Variants in FRMPD2 observed in about 807,000 individuals in gnomAD.
FRMPD2 encodes the protein FERM and PDZ domain-containing protein 2.
Under a neutral mutation model 140.1 loss-of-function variants are expected in FRMPD2, and 96 were observed. The observed-to-expected ratio is 0.69, with a 90% CI of 0.58 to 0.81. FRMPD2 has a LOEUF of 0.81. FRMPD2 is among the 40% of genes least tolerant of loss of function. FRMPD2 has a pLI of 0.00. For missense variants in FRMPD2, 1,240 were observed against 1,447.4 expected, an observed-to-expected ratio of 0.86 and a Z score of 2.32; for synonymous variants, 449 against 547.6, an observed-to-expected ratio of 0.82 and a Z score of 2.52.
At chr10:48,267,313 A>T (rs780146232) in intron 1 of FRMPD2, among the ~76,000 whole-genome samples, 1 of 152,246 alleles carries the variant, frequency 6.6e-6, no homozygotes, top group Non-Finnish European at 1.5e-5. Context: ...GAAAGGCTCA[A>T]CAAAGAAATA....
Position 48,184,659 on chromosome 10 carries a change from G to C in FRMPD2, c.2491C>G (p.His831Asp), listed in dbSNP as rs769311496. ...AATGTGAAGCCCTCCAGACTGATGT[G>C]ATTCAGGGCTAGTATCTGCCCTCCT... ...KPGGQILALN[H>D]ISLEGFTFNM... The change falls in exon 20 of 29, where the codon CAC (histidine) becomes GAC (aspartate). Residue 831 changes from histidine to aspartate, a missense_variant. By Grantham distance (81) the His-to-Asp change is moderately conservative. This residue lies in a region of FRMPD2 where 1,161 missense variants were observed against 1,055.9 expected (regional missense o/e 1.10). Transcript: ENST00000374201. 6.2e-7 allele frequency: 1 copy of C among 1,612,772 alleles called. No individual in the cohort carries two copies. Among genetic ancestry groups the C allele is most frequent in the South Asian group, 1.1e-5 (1 of 91,040 alleles).
At chr10:48,221,220 TA>T (rs1280373708) in intron 12 of FRMPD2, among the ~76,000 whole-genome samples, 7 of 152,074 alleles carry the variant, frequency 4.6e-5, no homozygotes, top group Non-Finnish European at 7.4e-5. Context: ...GTGGTATATG[TA>T]TATATATACC....
intron 3 of FRMPD2, 22 bp downstream of exon 3, chr10:48,248,999 G>A (rs1564439495): frequency 5.1e-6 from 8 of 1,582,870 alleles, no homozygotes; most frequent in Middle Eastern, 2.1e-4. Context: ...CTCAGAAGTT[G>A]CAGAGTAGCT....
In FRMPD2 at chr10:48,173,020, C is replaced by G; in HGVS notation, c.3149G>C (p.Gly1050Ala). ...QQCPSANDSM[G>A]DERTAVSLVT... is the part of the protein sequence containing the mutation. Reference sequence around the variant, plus strand: ...CAAGGAAACAGCCGTGCGTTCATCTCCCATGCTGTCATTAGCAGAAGGACA... The same window carrying G: ...CAAGGAAACAGCCGTGCGTTCATCTGCCATGCTGTCATTAGCAGAAGGACA... Residue 1050 changes from glycine (G) to alanine (A), a missense_variant, in exon 25 of 29, where the codon GGA (glycine) becomes GCA (alanine). By Grantham distance (60) the Gly-to-Ala change is moderately conservative. This residue lies in a region of FRMPD2 where 22 missense variants were observed against 35.3 expected (regional missense o/e 0.62). Coordinates refer to ENST00000374201, the MANE Select transcript of FRMPD2 (RefSeq NM_001018071.4). The G allele has an allele frequency of 9.9e-7, 1 of 1,008,444 alleles. No homozygotes were observed. Among genetic ancestry groups the G allele is most frequent in the Non-Finnish European group, 1.6e-6 (1 of 637,698 alleles). 62.5% of individuals were successfully genotyped at this position (1,008,444 alleles called of 1,614,324 possible).
At chr10:48,209,209 A>C (rs145826312) in intron 13 of FRMPD2, among the ~76,000 whole-genome samples, 257 of 152,342 alleles carry the variant, frequency 1.7e-3, no homozygotes, top group African/African-American at 6.1e-3. Context: ...AAGTGGAAGA[A>C]ACTACAGGAT....
In FRMPD2 at chr10:48,224,446, A is replaced by G. The variant is rs143300600; in HGVS notation, c.1169-1176T>C. 8.2e-4 allele frequency among the ~76,000 whole-genome samples: 125 copies of G among 152,286 alleles called. 1 individual carries two copies. The South Asian group carries it at 0.01, about 12-fold the overall frequency. ...CAACCTCTTCTTCCAATGCCTATGC[A>G]TGCTGGGGTGGGGAGGGGGTGTCCA... On this transcript the variant is annotated intron_variant, in intron 10 of 28. Coordinates refer to ENST00000374201, the MANE Select transcript of FRMPD2 (RefSeq NM_001018071.4).
intron 2 of FRMPD2, among the ~76,000 whole-genome samples, chr10:48,251,110 C>T (rs564399449): frequency 3.9e-5 from 6 of 152,238 alleles, no homozygotes; most frequent in African/African-American, 1.4e-4. Context: ...GCCAGGTCTG[C>T]CTTCTGATGG....
chr10:48,236,653 C>A (rs1174905517), intron 8 of FRMPD2, 100 bp from the exon 9 acceptor site: 4 of 1,089,772 alleles, frequency 3.7e-6, no homozygotes, highest in East Asian at 2.4e-5. Context: ...CACCAGCATA[C>A]ATTCCCCAGA....
At chr10:48,223,408 A>G in intron 10 of FRMPD2, 138 bp from the exon 11 acceptor site, 2 of 684,090 alleles carry the variant, frequency 2.9e-6, no homozygotes, top group Non-Finnish European at 4.5e-6. Context: ...GTCTTTGCGT[A>G]CCTGGTAGCA....
At chr10:48,178,733 C>G (rs1588808125) in intron 21 of FRMPD2, 1 of 153,124 alleles carries the variant, frequency 6.5e-6, no homozygotes, top group Non-Finnish European at 1.5e-5. Flanking sequence ...GCCCCCAGCC[C>G]CAGGAAACCA....
chr10:48,219,209 G>A (rs1839522742), intron 12 of FRMPD2, among the ~76,000 whole-genome samples: 1 of 151,466 alleles, frequency 6.6e-6, no homozygotes, highest in Non-Finnish European at 1.5e-5. Context: ...AGGGTGGAGT[G>A]TGTGTGGTTA....
intron 13 of FRMPD2, 110 bp downstream of exon 13, chr10:48,211,844 C>T: frequency 1.0e-6 from 1 of 1,003,670 alleles, no homozygotes; most frequent in Non-Finnish European, 1.4e-6. Context: ...CTTGCTCATG[C>T]CTCCTTGTGG....
intron 6 of FRMPD2, 37 bp downstream of exon 6, chr10:48,240,323 T>A (rs769502352): frequency 6.3e-7 from 1 of 1,597,310 alleles, no homozygotes; most frequent in Non-Finnish European, 8.5e-7. Flanking sequence ...ATGGGTACCA[T>A]CAGCCCACGC....
At chr10:48,238,850 A>G (rs1257419342) in intron 7 of FRMPD2, among the ~76,000 whole-genome samples, 1 of 152,236 alleles carries the variant, frequency 6.6e-6, no homozygotes, top group Non-Finnish European at 1.5e-5. Flanking sequence ...GCCTCCTGCC[A>G]TCAAGAGATG....
At chr10:48,187,104 G>T in intron 17 of FRMPD2, 88 bp downstream of exon 17, 1 of 786,366 alleles carries the variant, frequency 1.3e-6, no homozygotes, top group Non-Finnish European at 2.1e-6. Context: ...TGTGTGGGAA[G>T]CAAAAATAAG....
At chr10:48,217,788 A>G (rs1193605207) in intron 12 of FRMPD2, among the ~76,000 whole-genome samples, 1 of 152,212 alleles carries the variant, frequency 6.6e-6, no homozygotes, top group Non-Finnish European at 1.5e-5. Flanking sequence ...GAACCAAGGC[A>G]GGCAAGTTAT....
chr10:48,178,071 ATCT>A lies in FRMPD2; in HGVS notation c.2868_2870del (p.Glu956del), dbSNP rs782431211. 2.5e-6 allele frequency: 4 copies of A among 1,602,640 alleles called. No individual in the cohort carries two copies. In the South Asian group the frequency reaches 4.4e-5, roughly 18 times the overall value. ...CAGTTACACTGAATCCAAGTGTCCC[ATCT>A]TCTTTAACCAGTTCCACAAAGTAGA... On this transcript the variant is annotated inframe_deletion, in exon 22 of 29. Coordinates refer to ENST00000374201, the MANE Select transcript of FRMPD2 (RefSeq NM_001018071.4).
intron 10 of FRMPD2, among the ~76,000 whole-genome samples, chr10:48,224,051 G>A (rs1412224566): frequency 6.6e-6 from 1 of 152,208 alleles, no homozygotes; most frequent in Non-Finnish European, 1.5e-5. Flanking sequence ...AAGGCATGGT[G>A]TAAGTGGAGT....
At chr10:48,242,926 C>T (rs1245757546) in intron 4 of FRMPD2, among the ~76,000 whole-genome samples, 4 of 152,208 alleles carry the variant, frequency 2.6e-5, no homozygotes, top group African/African-American at 9.6e-5. Flanking sequence ...TAAGCATTTC[C>T]CTCATGCATT....
Sources: gnomAD v4.1 joint callset for allele counts (sites outside exome capture counted in the v4.1 genomes callset) on GRCh38, gnomAD v4.1.1 for gene constraint, gnomAD v4.1.1 regional missense constraint, MANE v1.5 for transcripts, NCBI Gene and HGNC (gene_info 2026-07-23, HGNC 2026-07-21) for gene names.